CDH2: variants seen among roughly 807,000 people sequenced by gnomAD.
CDH2 encodes the protein cadherin-2.
A neutral mutation model predicts 92.0 loss-of-function variants in CDH2; 17 were observed. The observed-to-expected ratio is 0.18, with a 90% CI of 0.13 to 0.28. The LOEUF (loss-of-function observed/expected upper bound fraction) is 0.28, where lower values mean the gene tolerates loss of function less well. CDH2 is among the 10% of genes least tolerant of loss of function. CDH2 has a pLI of 1.00. For missense variants in CDH2, 862 were observed against 1,133.1 expected (o/e 0.76, Z 3.44); for synonymous variants, 419 against 415.9 (o/e 1.01, Z -0.09).
intron 6 of CDH2, among the ~76,000 whole-genome samples, chr18:27,945,088 T>G (rs1442497363): frequency 1.3e-5 from 2 of 152,194 alleles, no homozygotes; most frequent in Admixed American, 1.3e-4. Flanking sequence ...TTGTTTTAGC[T>G]GCTGTAGCAT....
chr18:28,019,520 A>G (rs912602054), intron 2 of CDH2, among the ~76,000 whole-genome samples: 1 of 152,042 alleles, frequency 6.6e-6, no homozygotes, highest in African/African-American at 2.4e-5. Context: ...TGCTTGAGGG[A>G]GGAAAGAAGG....
chr18:28,176,270 G>C (rs887045626), intron 1 of CDH2, among the ~76,000 whole-genome samples: 3 of 152,190 alleles, frequency 2.0e-5, no homozygotes, highest in African/African-American at 4.8e-5. Flanking sequence ...TCGCCCGGGG[G>C]AGATACTAGG....
intron 5 of CDH2, among the ~76,000 whole-genome samples, chr18:28,008,527 T>C (rs868403289): frequency 6.6e-6 from 1 of 152,096 alleles, no homozygotes; most frequent in Non-Finnish European, 1.5e-5. Flanking sequence ...TTCTCATTCA[T>C]AGGTGGGAAC....
chr18:28,119,907 A>T (rs1438108371), intron 2 of CDH2, among the ~76,000 whole-genome samples: 1 of 151,994 alleles, frequency 6.6e-6, no homozygotes, highest in Non-Finnish European at 1.5e-5. Context: ...ACTGTTGGCC[A>T]TCTCAGACTG....
intron 2 of CDH2, among the ~76,000 whole-genome samples, chr18:28,061,510 T>A (rs889549342): frequency 6.6e-6 from 1 of 152,162 alleles, no homozygotes; most frequent in African/African-American, 2.4e-5. Context: ...CCGAGCGTGG[T>A]GGCATGTGCC....
At chr18:28,015,225 C>G (rs906735321) in intron 2 of CDH2, among the ~76,000 whole-genome samples, 1 of 152,132 alleles carries the variant, frequency 6.6e-6, no homozygotes, top group Non-Finnish European at 1.5e-5. Flanking sequence ...CCTTAGTAAC[C>G]ATAAAATCCT....
intron 10 of CDH2, among the ~76,000 whole-genome samples, 174 bp downstream of exon 10, chr18:27,989,923 A>T (rs1256688246): frequency 1.3e-5 from 2 of 152,218 alleles, no homozygotes; most frequent in Non-Finnish European, 2.9e-5. Context: ...ATCTATTTAT[A>T]TCTAATATAG....
At chr18:27,952,716 T>C (rs149060625) in intron 15 of CDH2, among the ~76,000 whole-genome samples, 12 of 152,166 alleles carry the variant, frequency 7.9e-5, no homozygotes, top group African/African-American at 9.6e-5. Flanking sequence ...TAGAGCAGCA[T>C]TGCTAGATTA....
intron 14 of CDH2, among the ~76,000 whole-genome samples, chr18:27,974,414 G>T (rs765759676): frequency 6.6e-6 from 1 of 152,182 alleles, no homozygotes; most frequent in Non-Finnish European, 1.5e-5. Flanking sequence ...TTTTTGAAAG[G>T]ATTAGGAAAC....
intron 2 of CDH2, among the ~76,000 whole-genome samples, chr18:28,124,735 A>G (rs1235985922): frequency 1.3e-5 from 2 of 152,188 alleles, no homozygotes; most frequent in African/African-American, 4.8e-5. Context: ...TTTCCAGTCA[A>G]GAGGGAGAAA....
At chr18:28,032,101 G>A (rs1235969051) in intron 2 of CDH2, among the ~76,000 whole-genome samples, 1 of 152,068 alleles carries the variant, frequency 6.6e-6, no homozygotes, top group Non-Finnish European at 1.5e-5. Flanking sequence ...TGTAGCTATG[G>A]CCAAGATGCC....
At position 27,988,553 on chromosome 18, in the gene CDH2, T is replaced by C; in HGVS notation, c.1712A>G (p.Tyr571Cys). Reference protein sequence around the residue: ...RESPNVKNNIYNATFLASDNG... With the variant: ...RESPNVKNNICNATFLASDNG... ...GTCAGAAGCAAGGAAAGTAGCATTA[T>C]ATATATTGTTTTTCACATTTGGTGA... The change falls in exon 11 of 16, where the codon TAT becomes TGT. Residue 571 changes from tyrosine (Y) to cysteine (C), a missense_variant. Coordinates refer to ENST00000269141, the MANE Select transcript of CDH2 (RefSeq NM_001792.5). The C allele has an allele frequency of 6.2e-7, 1 of 1,613,328 alleles. No homozygotes were observed. Among genetic ancestry groups the C allele is most frequent in the Non-Finnish European group, 8.5e-7 (1 of 1,179,330 alleles).
chr18:28,031,665 T>C (rs1029399598), intron 2 of CDH2, among the ~76,000 whole-genome samples: 2 of 151,944 alleles, frequency 1.3e-5, no homozygotes, highest in African/African-American at 4.8e-5. Flanking sequence ...TACTGAACAA[T>C]GGACGAGAAG....
intron 2 of CDH2, among the ~76,000 whole-genome samples, chr18:28,014,227 T>TA (rs1167102536): frequency 7.2e-5 from 11 of 152,064 alleles, no homozygotes; most frequent in Non-Finnish European, 1.5e-4. Flanking sequence ...CCCACCCTAT[T>TA]ACAAACTTCC....
intron 2 of CDH2, among the ~76,000 whole-genome samples, chr18:28,126,582 TAATAA>T (rs2015680970): frequency 6.6e-6 from 1 of 152,164 alleles, no homozygotes; most frequent in African/African-American, 2.4e-5. Flanking sequence ...TACATAAGTA[TAATAA>T]AATAAGGTCA....
At chr18:28,176,864 G>C in intron 1 of CDH2, 99 bp downstream of exon 1, 1 of 566,228 alleles carries the variant, frequency 1.8e-6, no homozygotes, top group Non-Finnish European at 2.3e-6. Flanking sequence ...TCCCTTCCCG[G>C]GTGCGCAGCC....
At chr18:28,078,324 T>A (rs979884833) in intron 2 of CDH2, among the ~76,000 whole-genome samples, 1 of 152,114 alleles carries the variant, frequency 6.6e-6, no homozygotes. Flanking sequence ...AGCAAAGTAG[T>A]GATGTACACA....
At chr18:28,002,077 T>C (rs569360592) in intron 7 of CDH2, among the ~76,000 whole-genome samples, 4 of 152,352 alleles carry the variant, frequency 2.6e-5, no homozygotes, top group African/African-American at 7.2e-5. Flanking sequence ...AATAATGACC[T>C]TGAGAGTCTG....
intron 1 of CDH2, among the ~76,000 whole-genome samples, chr18:28,151,552 G>A (rs896619142): frequency 3.3e-5 from 5 of 152,012 alleles, no homozygotes; most frequent in African/African-American, 1.2e-4. Flanking sequence ...CACTGCTATC[G>A]GTATGAGGAT....
Sources: allele counts gnomAD v4.1 joint callset (sites outside exome capture counted in the v4.1 genomes callset), GRCh38; gene constraint gnomAD v4.1.1; transcripts MANE v1.5; gene names NCBI Gene and HGNC (gene_info 2026-07-23, HGNC 2026-07-21).